Variants in LNPK observed in about 807,000 individuals in gnomAD.
LNPK encodes endoplasmic reticulum junction formation protein lunapark.
LNPK carries 29 observed loss-of-function variants against 55.2 expected under a neutral mutation model. That is an observed-to-expected ratio of 0.53 (90% CI 0.39 to 0.72). LNPK has a LOEUF of 0.72. Among genes scored for constraint, LNPK ranks in the 30% least tolerant of loss-of-function variants. LNPK has a pLI of 0.00. For missense variants in LNPK, 467 were observed against 494.8 expected, an observed-to-expected ratio of 0.94 and a Z score of 0.53; for synonymous variants, 162 against 168.2, an observed-to-expected ratio of 0.96 and a Z score of 0.29.
intron 5 of LNPK, among the ~76,000 whole-genome samples, chr2:175,979,144 T>C (rs1490200512): frequency 6.6e-6 from 1 of 152,124 alleles, no homozygotes; most frequent in Non-Finnish European, 1.5e-5. Flanking sequence ...ATTTGGGATA[T>C]ACTTCAAAAT....
intron 12 of LNPK, among the ~76,000 whole-genome samples, chr2:175,930,423 G>GA (rs1296225602): frequency 6.6e-6 from 1 of 150,774 alleles, no homozygotes; most frequent in African/African-American, 2.4e-5. Context: ...TAATTCAGAG[G>GA]AAAAAAACCC....
At position 175,991,591 on chromosome 2, in the gene LNPK, A is replaced by C. The variant is rs1273749265; in HGVS notation, c.257+640T>G. ...TCTGTTTATAACATTCATCATACTC[A>C]TTACTTAATGTTTGCAGTCTAAGAT... On this transcript the variant is annotated intron_variant, in intron 4 of 12. Coordinates refer to ENST00000272748, the MANE Select transcript of LNPK (RefSeq NM_030650.3). Among the ~76,000 whole-genome samples the C allele has an allele frequency of 3.3e-5, 5 of 152,146 alleles. No individual in the cohort carries two copies. In the East Asian group the frequency reaches 9.6e-4, roughly 29 times the overall value.
intron 1 of LNPK, among the ~76,000 whole-genome samples, chr2:176,000,166 G>A (rs1190199682): frequency 6.6e-6 from 1 of 152,076 alleles, no homozygotes; most frequent in Non-Finnish European, 1.5e-5. Flanking sequence ...TTAAATCTTG[G>A]GAAATGTTTT....
intron 9 of LNPK, among the ~76,000 whole-genome samples, chr2:175,943,513 T>G (rs1272677599): frequency 6.6e-6 from 1 of 151,996 alleles, no homozygotes; most frequent in East Asian, 1.9e-4. Context: ...ATAAACATTT[T>G]TAACAAAATA....
chr2:175,937,278 T>C, intron 12 of LNPK, 66 bp downstream of exon 12: 1 of 1,449,640 alleles, frequency 6.9e-7, no homozygotes, highest in Non-Finnish European at 9.5e-7. Flanking sequence ...TCTAAAAGCA[T>C]TATGCTTTTA....
chr2:175,998,987 T>C (rs181788583), intron 1 of LNPK, among the ~76,000 whole-genome samples: 7 of 152,350 alleles, frequency 4.6e-5, no homozygotes, highest in African/African-American at 1.4e-4. Flanking sequence ...CTAAGACCCC[T>C]GAAGCAAGGG....
intron 2 of LNPK, among the ~76,000 whole-genome samples, chr2:175,994,634 C>T (rs1434046018): frequency 6.6e-6 from 1 of 151,578 alleles, no homozygotes; most frequent in African/African-American, 2.4e-5. Context: ...GCGATCCTGC[C>T]TCAGCCTCCC....
At position 175,930,087 on chromosome 2, in the gene LNPK, T is replaced by C. The variant is rs1227998518; in HGVS notation, c.1167A>G (p.Pro389=). 1 of 1,614,116 alleles carries C rather than the reference T, an allele frequency of 6.2e-7. No homozygotes were observed. The highest frequency in any genetic ancestry group is 1.1e-5 in the South Asian group (1 of 91,074). The change falls in exon 13 of 13, where the codon CCA becomes CCG. Residue 389 remains proline (P), a synonymous_variant. Transcript: ENST00000272748. ...VIEKASDSEE[P]EEKQETENEE... is the part of the protein sequence containing the mutation. ...CATTCTCAGTCTCTTGTTTCTCCTC[T>C]GGTTCCTCTGAGTCAGATGCTTTTT...
chr2:175,939,066 G>A (rs966635652), intron 10 of LNPK, among the ~76,000 whole-genome samples: 6 of 151,728 alleles, frequency 4.0e-5, no homozygotes, highest in Admixed American at 2.6e-4. Flanking sequence ...TCTATTATCC[G>A]ATGAATTTTT....
At chr2:175,962,184 G>C (rs570635727) in intron 8 of LNPK, among the ~76,000 whole-genome samples, 3 of 151,920 alleles carry the variant, frequency 2.0e-5, no homozygotes, top group Non-Finnish European at 4.4e-5. Context: ...GACTTTCTTC[G>C]CAGAATTGGA....
rs1684018129 is a variant in LNPK at position 175,926,607 on chromosome 2, T to C, written c.*3360A>G. 6.6e-6 allele frequency: 1 copy of C among 152,208 alleles called. No individual in the cohort carries two copies. The highest frequency in any genetic ancestry group is 2.4e-5 in the African/African-American group (1 of 41,456). 9.4% of individuals were successfully genotyped at this position (152,208 alleles called of 1,614,324 possible). On this transcript the variant is annotated 3_prime_UTR_variant, in exon 13 of 13. Coordinates refer to ENST00000272748, the MANE Select transcript of LNPK (RefSeq NM_030650.3). ...TCTTCTAGTAGTCCAAAGATAAAAATCTTCACAGGATTCTTGCCAAAGTAC... is the reference window on the plus strand; with the variant it reads ...TCTTCTAGTAGTCCAAAGATAAAAACCTTCACAGGATTCTTGCCAAAGTAC...
chr2:175,933,505 A>G (rs1485389685), intron 12 of LNPK, among the ~76,000 whole-genome samples: 1 of 152,198 alleles, frequency 6.6e-6, no homozygotes, highest in Non-Finnish European at 1.5e-5. Flanking sequence ...TCTTTAACTC[A>G]CAAGTTTTAA....
chr2:175,947,578 G>T lies in LNPK; in HGVS notation c.608C>A (p.Ala203Asp). The T allele has an allele frequency of 5.0e-6, 8 of 1,614,056 alleles. No individual in the cohort carries two copies. The highest frequency in any genetic ancestry group is 6.8e-6 in the Non-Finnish European group (8 of 1,179,950). Residue 203 changes from alanine (A) to aspartate (D), a missense_variant, in exon 9 of 13, where the codon GCC (alanine) becomes GAC (aspartate). Coordinates refer to ENST00000272748, the MANE Select transcript of LNPK (RefSeq NM_030650.3). ...VSPGPPKDSSAPGGPPERTVT... is the reference protein window; with the variant it reads ...VSPGPPKDSSDPGGPPERTVT... ...AGTCCTTTCTGGGGGTCCACCAGGG[G>T]CAGAACTGTCCTTTGGTGGTCCAGG...
At chr2:175,945,608 A>G (rs949043913) in intron 9 of LNPK, among the ~76,000 whole-genome samples, 2 of 152,088 alleles carry the variant, frequency 1.3e-5, no homozygotes, top group Non-Finnish European at 2.9e-5. Flanking sequence ...ACTTGAATCC[A>G]GACATGGTCA....
chr2:175,947,752 C>T, intron 8 of LNPK, 60 bp from the exon 9 acceptor site: 1 of 1,186,900 alleles, frequency 8.4e-7, no homozygotes, highest in Admixed American at 2.4e-5. Flanking sequence ...GCCAGTATCA[C>T]AAACAATTTA....
intron 6 of LNPK, among the ~76,000 whole-genome samples, chr2:175,969,006 A>G (rs896827517): frequency 1.3e-5 from 2 of 152,054 alleles, no homozygotes. Flanking sequence ...CAACAAGAGC[A>G]AAATTCCATC....
At chr2:175,930,439 T>C (rs1388245670) in intron 12 of LNPK, among the ~76,000 whole-genome samples, 1 of 151,966 alleles carries the variant, frequency 6.6e-6, no homozygotes. Context: ...AACCCATAAA[T>C]ATACTTTTTC....
chr2:175,993,748 G>T (rs1379178436), intron 2 of LNPK, among the ~76,000 whole-genome samples: 1 of 151,594 alleles, frequency 6.6e-6, no homozygotes, highest in African/African-American at 2.4e-5. Flanking sequence ...AGCCGAGATC[G>T]CACCACTGCA....
rs1683991688 is a variant in LNPK at position 175,925,905 on chromosome 2, C to T, written c.*4062G>A. On this transcript the variant is annotated 3_prime_UTR_variant, in exon 13 of 13. Coordinates refer to ENST00000272748, the MANE Select transcript of LNPK (RefSeq NM_030650.3). ...TCTCGAACTCCTGACCCCAGATGATCTGCCCGCCTCAGCCTCCCAACTTGC... is the reference window on the plus strand; with the variant it reads ...TCTCGAACTCCTGACCCCAGATGATTTGCCCGCCTCAGCCTCCCAACTTGC... The T allele has an allele frequency of 6.6e-6, 1 of 152,192 alleles. No homozygotes were observed. 9.4% of individuals were successfully genotyped at this position (152,192 alleles called of 1,614,324 possible).
Sources: allele counts gnomAD v4.1 joint callset (sites outside exome capture counted in the v4.1 genomes callset), GRCh38; gene constraint gnomAD v4.1.1; transcripts MANE v1.5; gene names NCBI Gene and HGNC (gene_info 2026-07-23, HGNC 2026-07-21).